Variants in SWT1 observed in about 807,000 individuals in gnomAD.
SWT1 encodes the protein SWT1 RNA endoribonuclease homolog, also known as transcriptional protein SWT1.
In SWT1, 33 loss-of-function variants were observed where a neutral mutation model predicts 107.3. The ratio of observed to expected loss-of-function variants is 0.31; its 90% CI spans 0.23 to 0.41. SWT1 has a LOEUF of 0.41. Ranked by LOEUF, SWT1 falls within the 10% of genes least tolerant of loss-of-function variation. SWT1 has a pLI of 1.00. For synonymous variants in SWT1, 345 were observed against 348.3 expected, an observed-to-expected ratio of 0.99 and a Z score of 0.11; for missense variants, 898 against 1,028.9, an observed-to-expected ratio of 0.87 and a Z score of 1.74.
chr1:185,252,536 T>C (rs1662120884), intron 16 of SWT1, among the ~76,000 whole-genome samples: 1 of 152,264 alleles, frequency 6.6e-6, no homozygotes, highest in African/African-American at 2.4e-5. Context: ...TGGCCAGTGA[T>C]AATGAGCATT....
At chr1:185,267,910 T>C (rs1264477905) in intron 16 of SWT1, among the ~76,000 whole-genome samples, 2 of 152,208 alleles carry the variant, frequency 1.3e-5, no homozygotes, top group Non-Finnish European at 2.9e-5. Context: ...AAGAATTTTG[T>C]GTGGGGAATT....
At chr1:185,285,826 T>C (rs1314583548) in intron 18 of SWT1, among the ~76,000 whole-genome samples, 4 of 152,230 alleles carry the variant, frequency 2.6e-5, no homozygotes, top group Non-Finnish European at 5.9e-5. Flanking sequence ...TCTTTCTCCA[T>C]TGAATGGTCT....
chr1:185,269,636 G>A (rs1248331583), intron 16 of SWT1, among the ~76,000 whole-genome samples: 1 of 152,100 alleles, frequency 6.6e-6, no homozygotes, highest in African/African-American at 2.4e-5. Context: ...ATCAAGTAGT[G>A]GCAAGGATGT....
intron 13 of SWT1, among the ~76,000 whole-genome samples, chr1:185,208,030 C>T (rs747939789): frequency 9.9e-5 from 15 of 152,084 alleles, no homozygotes; most frequent in Non-Finnish European, 1.5e-4. Flanking sequence ...TTATATCCAG[C>T]GTACTTCTGA....
intron 16 of SWT1, among the ~76,000 whole-genome samples, chr1:185,262,111 ACCTGATAG>A (rs1663061173): frequency 6.6e-6 from 1 of 152,230 alleles, no homozygotes. Context: ...AATAGTAGAT[ACCTGATAG>A]TGAGGTAAGA....
intron 13 of SWT1, among the ~76,000 whole-genome samples, chr1:185,211,877 T>TA (rs1446338458): frequency 3.3e-5 from 5 of 152,228 alleles, no homozygotes; most frequent in Non-Finnish European, 7.4e-5. Context: ...TATGCAGCCA[T>TA]AAAAAATGAT....
intron 5 of SWT1, among the ~76,000 whole-genome samples, chr1:185,177,300 A>G (rs1396647887): frequency 9.2e-5 from 14 of 152,338 alleles, no homozygotes; most frequent in Non-Finnish European, 7.4e-5. Flanking sequence ...CCATTGTGCT[A>G]TACATCTAAG....
At chr1:185,213,260 G>A (rs895050757) in intron 13 of SWT1, among the ~76,000 whole-genome samples, 6 of 152,254 alleles carry the variant, frequency 3.9e-5, no homozygotes, top group Non-Finnish European at 7.3e-5. Context: ...GGGGATTTAC[G>A]TAGTTCATCA....
At chr1:185,213,658 AAAC>A (rs1341698254) in intron 13 of SWT1, among the ~76,000 whole-genome samples, 2 of 152,318 alleles carry the variant, frequency 1.3e-5, no homozygotes, top group African/African-American at 2.4e-5. Flanking sequence ...AACAAAAAGT[AAAC>A]AACAGTATAG....
intron 5 of SWT1, among the ~76,000 whole-genome samples, 189 bp from the exon 6 acceptor site, chr1:185,180,202 G>A (rs190519742): frequency 2.0e-5 from 3 of 152,080 alleles, no homozygotes; most frequent in African/African-American, 4.8e-5. Flanking sequence ...AAGTTTGGGA[G>A]TAGGGGTAGG....
At chr1:185,287,808 A>G (rs1339318072) in intron 18 of SWT1, among the ~76,000 whole-genome samples, 1 of 152,248 alleles carries the variant, frequency 6.6e-6, no homozygotes, top group African/African-American at 2.4e-5. Flanking sequence ...TTTCTCAGCC[A>G]GTGATGACGG....
chr1:185,203,987 T>G (rs1262678072), intron 11 of SWT1, among the ~76,000 whole-genome samples: 2 of 152,192 alleles, frequency 1.3e-5, no homozygotes, highest in Non-Finnish European at 2.9e-5. Context: ...CCACTTAATA[T>G]TTTTAATTTT....
intron 18 of SWT1, among the ~76,000 whole-genome samples, chr1:185,289,144 A>G (rs1056612150): frequency 1.5e-4 from 23 of 152,256 alleles, no homozygotes; most frequent in African/African-American, 5.5e-4. Context: ...AAATAAAAAT[A>G]TAATGGACTA....
intron 12 of SWT1, 92 bp from the exon 13 acceptor site, chr1:185,206,533 T>C (rs1463627182): frequency 1.4e-6 from 1 of 701,296 alleles, no homozygotes; most frequent in Non-Finnish European, 2.1e-6. Flanking sequence ...TATATTTTGC[T>C]CAAAATATAT....
At chr1:185,287,327 G>A (rs948739232) in intron 18 of SWT1, among the ~76,000 whole-genome samples, 2 of 152,192 alleles carry the variant, frequency 1.3e-5, no homozygotes, top group African/African-American at 2.4e-5. Flanking sequence ...TAGAGAAATA[G>A]TGGCTGTTAT....
chr1:185,238,418 T>C (rs1431400371), intron 16 of SWT1, among the ~76,000 whole-genome samples: 1 of 152,190 alleles, frequency 6.6e-6, no homozygotes, highest in Non-Finnish European at 1.5e-5. Context: ...CCATCAGCAA[T>C]TCTTAACTTG....
intron 4 of SWT1, 147 bp from the exon 5 acceptor site, chr1:185,174,225 T>C (rs1214627084): frequency 5.3e-6 from 3 of 567,360 alleles, no homozygotes; most frequent in African/African-American, 3.9e-5. Context: ...ATTAAGTGAG[T>C]AATCCTTTCC....
intron 10 of SWT1, among the ~76,000 whole-genome samples, chr1:185,200,072 C>T (rs1657739315): frequency 2.0e-5 from 3 of 151,976 alleles, no homozygotes; most frequent in South Asian, 4.2e-4. Context: ...ACGAAGTTCT[C>T]GTGCTGTTTT....
intron 11 of SWT1, 49 bp downstream of exon 11, chr1:185,202,848 T>G (rs752866995): frequency 5.9e-6 from 6 of 1,018,498 alleles, no homozygotes; most frequent in Admixed American, 2.8e-5. Context: ...TTTTATACAC[T>G]AAGATTATTT....
Sources: allele counts gnomAD v4.1 joint callset (sites outside exome capture counted in the v4.1 genomes callset), GRCh38; gene constraint gnomAD v4.1.1; transcripts MANE v1.5; gene names NCBI Gene and HGNC (gene_info 2026-07-23, HGNC 2026-07-21).